DLC1: variants seen among roughly 807,000 people sequenced by gnomAD.
The protein encoded by DLC1 is rho GTPase-activating protein 7.
In DLC1, 54 loss-of-function variants were observed where a neutral mutation model predicts 140.3. That is an observed-to-expected ratio of 0.38 (90% CI 0.31 to 0.48). The LOEUF (loss-of-function observed/expected upper bound fraction) is 0.48, where lower values mean the gene tolerates loss of function less well. Among genes scored for constraint, DLC1 ranks in the 20% least tolerant of loss-of-function variants. The pLI, the probability that DLC1 is intolerant of heterozygous loss-of-function variation, is 0.96. For synonymous variants in DLC1, 986 were observed against 728.1 expected (o/e 1.35, Z -5.70); for missense variants, 2,536 against 1,907.0 (o/e 1.33, Z -6.14).
At chr8:13,594,779 T>G (rs1805631259) in intron 1 of DLC1, among the ~76,000 whole-genome samples, 1 of 152,016 alleles carries the variant, frequency 6.6e-6, no homozygotes, top group South Asian at 2.1e-4. Context: ...ATATGGAGAT[T>G]GTTGCAGAGG....
chr8:13,138,125 C>G (rs1356387164), intron 5 of DLC1, among the ~76,000 whole-genome samples: 1 of 152,106 alleles, frequency 6.6e-6, no homozygotes, highest in Non-Finnish European at 1.5e-5. Context: ...ATTTTTCCCA[C>G]TGTAATATGT....
intron 4 of DLC1, among the ~76,000 whole-genome samples, chr8:13,389,448 G>A (rs1027875198): frequency 2.0e-5 from 3 of 152,090 alleles, no homozygotes; most frequent in African/African-American, 7.2e-5. Flanking sequence ...TTGTGAGATT[G>A]TGTCAAAAGA....
At chr8:13,362,054 A>G (rs2117079117) in intron 4 of DLC1, among the ~76,000 whole-genome samples, 1 of 152,352 alleles carries the variant, frequency 6.6e-6, no homozygotes, top group Admixed American at 6.5e-5. Flanking sequence ...ACTAAACTTG[A>G]GAAAACAGCA....
At chr8:13,382,463 G>A (rs1836313428) in intron 4 of DLC1, among the ~76,000 whole-genome samples, 1 of 121,262 alleles carries the variant, frequency 8.2e-6, no homozygotes, top group South Asian at 2.6e-4. Context: ...AGCCGAGATT[G>A]CGCCACTGCA....
chr8:13,208,718 C>T (rs1271020506), intron 5 of DLC1, among the ~76,000 whole-genome samples: 1 of 134,504 alleles, frequency 7.4e-6, no homozygotes. Context: ...GGACAAGAAA[C>T]ACACACCACA....
At position 13,507,390 on chromosome 8, in the gene DLC1, G is replaced by A. The variant is rs140108618; in HGVS notation, c.-125-7194C>T. 4.1e-3 allele frequency among the ~76,000 whole-genome samples: 618 copies of A among 152,268 alleles called. 7 individuals carry two copies. Among genetic ancestry groups the A allele is most frequent in the African/African-American group, 0.014 (599 of 41,556 alleles). On this transcript the variant is annotated intron_variant, in intron 1 of 17. Transcript: ENST00000276297. ...ACATTTCTAAAAAGCATTTCTATGA[G>A]TCTAGTCCAGACAGCCAACTTTCAG...
intron 2 of DLC1, among the ~76,000 whole-genome samples, chr8:13,439,784 G>A (rs1168107924): frequency 1.3e-5 from 2 of 151,914 alleles, no homozygotes; most frequent in East Asian, 3.9e-4. Flanking sequence ...GAAAACCCTC[G>A]CTGCCTATAT....
chr8:13,498,965 T>C, intron 2 of DLC1, 84 bp downstream of exon 2: 2 of 1,469,264 alleles, frequency 1.4e-6, no homozygotes, highest in Non-Finnish European at 1.8e-6. Flanking sequence ...TTCATATCTT[T>C]TTAATCCAAG....
chr8:13,194,303 A>G (rs74982961), intron 5 of DLC1, among the ~76,000 whole-genome samples: 1 of 152,376 alleles, frequency 6.6e-6, no homozygotes, highest in Non-Finnish European at 1.5e-5. Context: ...ATGTGGAACG[A>G]TTCAACATCA....
chr8:13,244,757 C>T (rs2117257812), intron 5 of DLC1, among the ~76,000 whole-genome samples: 1 of 152,222 alleles, frequency 6.6e-6, no homozygotes, highest in South Asian at 2.1e-4. Context: ...CCAAGATAAA[C>T]ATGCCCCTCT....
chr8:13,152,539 A>C (rs1823899489), intron 5 of DLC1, among the ~76,000 whole-genome samples: 1 of 152,204 alleles, frequency 6.6e-6, no homozygotes, highest in African/African-American at 2.4e-5. Context: ...AGGTGTGCTA[A>C]TGCCATTCAA....
At chr8:13,463,269 C>T (rs966295379) in intron 2 of DLC1, among the ~76,000 whole-genome samples, 2 of 152,022 alleles carry the variant, frequency 1.3e-5, no homozygotes, top group African/African-American at 4.8e-5. Flanking sequence ...GTATCTCGAT[C>T]ATGATCAAGT....
In DLC1 at chr8:13,097,249, T is replaced by TTTATTATTATTATTA. The variant is rs149250885; in HGVS notation, c.3167+1135_3167+1149dup. Among the ~76,000 whole-genome samples, 525 of 147,026 alleles carry TTTATTATTATTATTA rather than the reference T, an allele frequency of 3.6e-3. 3 individuals are homozygous for TTTATTATTATTATTA. Among genetic ancestry groups the TTTATTATTATTATTA allele is most frequent in the African/African-American group, 9.7e-3 (387 of 39,980 alleles). On this transcript the variant is annotated intron_variant, in intron 10 of 17. Coordinates refer to ENST00000276297, the MANE Select transcript of DLC1 (RefSeq NM_182643.3). ...GATGCTACAAATATTCACATCCAAA[T>TTTATTATTATTATTA]TTATTATTATTATTATTATTATTAT...
chr8:13,259,037 T>C (rs1245154345), intron 5 of DLC1, among the ~76,000 whole-genome samples: 1 of 148,698 alleles, frequency 6.7e-6, no homozygotes, highest in East Asian at 2.0e-4. Context: ...CTCTGGAGGC[T>C]GAGGCAGGAG....
At chr8:13,106,651 T>G (rs1819591506) in intron 7 of DLC1, among the ~76,000 whole-genome samples, 1 of 152,232 alleles carries the variant, frequency 6.6e-6, no homozygotes. Flanking sequence ...GCTTACCTTT[T>G]AACAGACCAG....
chr8:13,266,812 C>G (rs1251089370), intron 5 of DLC1, among the ~76,000 whole-genome samples: 2 of 152,112 alleles, frequency 1.3e-5, no homozygotes, highest in Admixed American at 6.6e-5. Context: ...CAACAAAAAA[C>G]TGTTAGAAAC....
intron 5 of DLC1, among the ~76,000 whole-genome samples, chr8:13,178,141 A>G (rs913776790): frequency 9.2e-5 from 14 of 152,222 alleles, no homozygotes; most frequent in Admixed American, 5.9e-4. Context: ...AATTCAATGA[A>G]TTGCAGATCT....
At chr8:13,525,262 GA>G (rs1802884316) in intron 1 of DLC1, among the ~76,000 whole-genome samples, 1 of 152,068 alleles carries the variant, frequency 6.6e-6, no homozygotes, top group Non-Finnish European at 1.5e-5. Context: ...GTAACATTGG[GA>G]TATTGTTATT....
At chr8:13,166,121 G>A (rs756014907) in intron 5 of DLC1, among the ~76,000 whole-genome samples, 45 of 152,068 alleles carry the variant, frequency 3.0e-4, no homozygotes, top group African/African-American at 9.9e-4. Flanking sequence ...TGCCATCCCC[G>A]TTCACAGGCT....
Sources: gnomAD v4.1 joint callset for allele counts (sites outside exome capture counted in the v4.1 genomes callset) on GRCh38, gnomAD v4.1.1 for gene constraint, MANE v1.5 for transcripts, NCBI Gene and HGNC (gene_info 2026-07-23, HGNC 2026-07-21) for gene names.